CLINT1: variants seen among roughly 807,000 people sequenced by gnomAD.
CLINT1 encodes the protein clathrin interacting protein localized in the trans-Golgi region.
CLINT1 carries 15 observed loss-of-function variants against 70.4 expected under a neutral mutation model. The ratio of observed to expected loss-of-function variants is 0.21; its 90% CI spans 0.14 to 0.33. The LOEUF is 0.33. CLINT1 is among the 10% of genes least tolerant of loss of function. The pLI, the probability that CLINT1 is intolerant of heterozygous loss-of-function variation, is 1.00. For synonymous variants in CLINT1, 227 were observed against 254.7 expected (o/e 0.89, Z 1.04); for missense variants, 615 against 778.1 (o/e 0.79, Z 2.49).
chr5:157,787,722 G>A lies in CLINT1; in HGVS notation c.1802C>T (p.Pro601Leu). Residue 601 changes from proline (P) to leucine (L), a missense_variant, in exon 12 of 12, where the codon CCC (proline) becomes CTC (leucine). Physicochemically the swap from Pro to Leu is moderately conservative, Grantham distance 98. Transcript: ENST00000411809. Reference protein sequence around the residue: ...GLTGTMGMGMPNIAMTSGTVQ... With the variant: ...GLTGTMGMGMLNIAMTSGTVQ... ...AGTTCCAGAAGTCATGGCTATGTTGGGCATGCCCATTCCCATTGTGCCTGT... is the reference window on the plus strand; with the variant it reads ...AGTTCCAGAAGTCATGGCTATGTTGAGCATGCCCATTCCCATTGTGCCTGT... 6.2e-7 allele frequency: 1 copy of A among 1,613,960 alleles called. No individual in the cohort carries two copies. Among genetic ancestry groups the A allele is most frequent in the Non-Finnish European group, 8.5e-7 (1 of 1,179,876 alleles).
intron 1 of CLINT1, among the ~76,000 whole-genome samples, chr5:157,831,474 C>A (rs1283189806): frequency 6.6e-6 from 1 of 152,040 alleles, no homozygotes. Context: ...AGGCATGAGC[C>A]ACCGTGCCCG....
chr5:157,858,975 C>T lies in CLINT1; in HGVS notation c.-5G>A, dbSNP rs894362741. 6 of 1,609,622 alleles carry T rather than the reference C, an allele frequency of 3.7e-6. No homozygotes were observed. The African/African-American group carries it at 8.0e-5, about 22-fold the overall frequency. The stretch of plus-strand genomic sequence containing the variant: ...CACCTTCCACATGTTCAACATCGTG[C>T]CCCGCGCGGGACGGTCCGCCGCCTC... On this transcript the variant is annotated 5_prime_UTR_variant, in exon 1 of 12. Transcript: ENST00000411809.
chr5:157,811,362 C>T (rs1047001906), intron 5 of CLINT1, among the ~76,000 whole-genome samples: 10 of 151,636 alleles, frequency 6.6e-5, no homozygotes, highest in African/African-American at 2.4e-4. Flanking sequence ...GCCAACATGG[C>T]GAAACCCTAA....
Position 157,787,341 on chromosome 5 carries a change from T to G in CLINT1, c.*305A>C. 2.9e-6 allele frequency: 1 copy of G among 348,922 alleles called. No individual in the cohort carries two copies. The highest frequency in any genetic ancestry group is 4.2e-5 in the South Asian group (1 of 23,774). The allele number at this position is 348,922 out of a possible 1,614,324, so 21.6% of individuals were successfully genotyped here. ...ACATTTATTCAGCCCTATTCCAGTC[T>G]TCCCACAAATTATGCTGTTAAATGG... On this transcript the variant is annotated 3_prime_UTR_variant, in exon 12 of 12. Transcript: ENST00000411809.
chr5:157,855,985 G>C (rs1422571371), intron 1 of CLINT1, among the ~76,000 whole-genome samples: 1 of 151,642 alleles, frequency 6.6e-6, no homozygotes, highest in Non-Finnish European at 1.5e-5. Flanking sequence ...CTACCATACT[G>C]AATCTAAGAG....
Position 157,805,806 on chromosome 5 carries a change from T to A in CLINT1, c.942+60A>T, listed in dbSNP as rs1232150098. 3.8e-6 allele frequency: 6 copies of A among 1,594,394 alleles called. No homozygotes were observed. In the Admixed American group the frequency reaches 1.0e-4, roughly 27 times the overall value. ...TGCCCAAGCCTACTAATGCAGGAAT[T>A]CGAAGAGCGGTTTATAAAAATAAAA... On this transcript the variant is annotated intron_variant, in intron 7 of 11. Transcript: ENST00000411809.
chr5:157,820,960 C>T (rs1762864298), intron 1 of CLINT1, among the ~76,000 whole-genome samples: 1 of 152,128 alleles, frequency 6.6e-6, no homozygotes, highest in Non-Finnish European at 1.5e-5. Context: ...AATTTCATAC[C>T]ATTTAAACTA....
At chr5:157,789,097 T>C (rs1340203304) in intron 11 of CLINT1, among the ~76,000 whole-genome samples, 1 of 151,984 alleles carries the variant, frequency 6.6e-6, no homozygotes, top group Non-Finnish European at 1.5e-5. Context: ...AAAATCTGTA[T>C]AGCAAATTTT....
intron 1 of CLINT1, among the ~76,000 whole-genome samples, chr5:157,828,923 T>A (rs1763126123): frequency 8.0e-6 from 1 of 125,316 alleles, no homozygotes; most frequent in South Asian, 2.6e-4. Context: ...ACTCTGTCTC[T>A]ACTTAAAAAA....
chr5:157,843,776 T>A (rs1254939590), intron 1 of CLINT1, among the ~76,000 whole-genome samples: 1 of 152,176 alleles, frequency 6.6e-6, no homozygotes. Context: ...TCAGTTAGCC[T>A]TAAAAAAAGG....
At position 157,809,495 on chromosome 5, in the gene CLINT1, A is replaced by AT; in HGVS notation, c.695+132dup. 3.0e-5 allele frequency: 18 copies of AT among 597,820 alleles called. No individual in the cohort carries two copies. In the East Asian group the frequency reaches 5.8e-4, roughly 19 times the overall value. The allele number at this position is 597,820 out of a possible 1,614,324, so 37.0% of individuals were successfully genotyped here. A position where few individuals can be genotyped will look rare whatever the true frequency, so the allele number is the denominator to read the frequency against. On this transcript the variant is annotated intron_variant, in intron 6 of 11. Transcript: ENST00000411809. ...ATTGCTCTAAAAACAAATGAAGTCT[A>AT]TTAAAAAAAAAAAAAAAGGCCCAAT...
intron 9 of CLINT1, 134 bp downstream of exon 9, chr5:157,794,764 G>T: frequency 1.5e-6 from 1 of 686,938 alleles, no homozygotes; most frequent in Non-Finnish European, 2.5e-6. Context: ...AATACCTTGT[G>T]AATAAATTCT....
chr5:157,822,648 A>G (rs1302380698), intron 1 of CLINT1, among the ~76,000 whole-genome samples: 1 of 151,956 alleles, frequency 6.6e-6, no homozygotes, highest in African/African-American at 2.4e-5. Flanking sequence ...TTTATTCTCC[A>G]TTTTCTGCTT....
At chr5:157,812,732 G>C (rs1674769771) in intron 5 of CLINT1, among the ~76,000 whole-genome samples, 1 of 152,134 alleles carries the variant, frequency 6.6e-6, no homozygotes, top group Non-Finnish European at 1.5e-5. Context: ...TCTAAACTCT[G>C]AGTTATAGAA....
intron 1 of CLINT1, among the ~76,000 whole-genome samples, chr5:157,837,513 G>T (rs1471575781): frequency 6.6e-6 from 1 of 152,004 alleles, no homozygotes; most frequent in East Asian, 1.9e-4. Flanking sequence ...AATGCAATCG[G>T]TCTAAAAGAA....
intron 10 of CLINT1, chr5:157,789,926 C>T (rs1333464504): frequency 1.4e-5 from 3 of 218,562 alleles, no homozygotes; most frequent in South Asian, 6.5e-5. Flanking sequence ...AGAGGCCAGG[C>T]GCAGTGACTT....
At chr5:157,829,730 C>T (rs1207443083) in intron 1 of CLINT1, among the ~76,000 whole-genome samples, 1 of 123,736 alleles carries the variant, frequency 8.1e-6, no homozygotes, top group Non-Finnish European at 1.7e-5. Flanking sequence ...TTAGTAAAGA[C>T]AGGGTTTCGT....
At chr5:157,833,934 C>T (rs544379631) in intron 1 of CLINT1, among the ~76,000 whole-genome samples, 124 of 151,782 alleles carry the variant, frequency 8.2e-4, no homozygotes, top group Middle Eastern at 3.4e-3. Context: ...AGAGTGAGAC[C>T]CTGCCTCAAA....
intron 1 of CLINT1, among the ~76,000 whole-genome samples, chr5:157,837,744 A>C (rs1427913756): frequency 6.7e-6 from 1 of 149,776 alleles, no homozygotes; most frequent in Non-Finnish European, 1.5e-5. Flanking sequence ...CCCAGGTTCA[A>C]GCGATTCTCC....
Sources: allele counts gnomAD v4.1 joint callset (sites outside exome capture counted in the v4.1 genomes callset), GRCh38; gene constraint gnomAD v4.1.1; transcripts MANE v1.5; gene names NCBI Gene and HGNC (gene_info 2026-07-23, HGNC 2026-07-21).